ZNF550: variants seen among roughly 807,000 people sequenced by gnomAD.
ZNF550 encodes the protein zinc finger protein 550.
A neutral mutation model predicts 40.2 loss-of-function variants in ZNF550; 42 were observed. The ratio of observed to expected loss-of-function variants is 1.05; its 90% CI spans 0.82 to 1.35. The LOEUF is 1.35. ZNF550 is among the 40% of genes most tolerant of loss of function. ZNF550 has a pLI of 0.00. For synonymous variants in ZNF550, 223 were observed against 198.6 expected, an observed-to-expected ratio of 1.12 and a Z score of -1.03; for missense variants, 549 against 525.2, an observed-to-expected ratio of 1.05 and a Z score of -0.44.
chr19:57,547,376 T>C, exon 4 of ZNF550: 1 of 1,612,952 alleles, frequency 6.2e-7, no homozygotes, highest in Non-Finnish European at 8.5e-7. Flanking sequence ...CGACATTGAC[T>C]ACACTCATAG....
At chr19:57,558,976 C>A (rs567856161) in intron 1 of ZNF550, among the ~76,000 whole-genome samples, 2 of 152,212 alleles carry the variant, frequency 1.3e-5, no homozygotes, top group East Asian at 3.9e-4. Flanking sequence ...TTGCCCTAAA[C>A]TGAAAGACAA....
chr19:57,547,216 T>C (rs751609264), exon 4 of ZNF550: 18 of 1,613,940 alleles, frequency 1.1e-5, no homozygotes, highest in South Asian at 2.2e-5. Flanking sequence ...CATGCAATCA[T>C]AGGGCTTCTC....
At chr19:57,549,931 G>C (rs2090058220) in intron 3 of ZNF550, among the ~76,000 whole-genome samples, 2 of 152,120 alleles carry the variant, frequency 1.3e-5, no homozygotes, top group African/African-American at 4.8e-5. Context: ...TCTCCACCAG[G>C]TCTCCAATTC....
At chr19:57,547,375 C>A in exon 4 of ZNF550, 1 of 1,611,980 alleles carries the variant, frequency 6.2e-7, no homozygotes, top group South Asian at 1.1e-5. Context: ...TCGACATTGA[C>A]TACACTCATA....
chr19:57,547,348 C>T (rs780749850), exon 4 of ZNF550: 35 of 1,613,290 alleles, frequency 2.2e-5, no homozygotes, highest in Admixed American at 1.3e-4. Context: ...AAAAGTAGAC[C>T]GGTGGGTGAA....
chr19:57,547,641 G>T (rs151237111), exon 4 of ZNF550: 1 of 1,614,148 alleles, frequency 6.2e-7, no homozygotes. Context: ...ATTTGTAGGG[G>T]TTTGTCCCTG....
Position 57,554,970 on chromosome 19 carries a change from C to T in ZNF550, c.154+1261G>A, listed in dbSNP as rs958306229. 1 of 152,210 alleles carries T rather than the reference C, an allele frequency of 6.6e-6. No homozygotes were observed. The highest frequency in any genetic ancestry group is 2.4e-5 in the African/African-American group (1 of 41,442). 9.4% of individuals were successfully genotyped at this position (152,210 alleles called of 1,614,324 possible). ...GGTTATGACATCCTGCTTATTTATT[C>T]CTAAATTCCCCTCATTTTTCTTTCT... On this transcript the variant is annotated intron_variant, in intron 2 of 4. Coordinates refer to ENST00000457177, the Ensembl canonical transcript of ZNF550. The surrounding 1 kb of genome is among the most constrained non-coding windows in gnomAD (Gnocchi z 4.5).
chr19:57,542,421 G>A (rs2089968559), exon 5 of ZNF550: 1 of 151,500 alleles, frequency 6.6e-6, no homozygotes, highest in Admixed American at 6.6e-5. Flanking sequence ...TCAAGCTGGT[G>A]GTGATATATT....
chr19:57,546,810 TGAC>T, exon 4 of ZNF550: 1 of 1,400,072 alleles, frequency 7.1e-7, no homozygotes. Context: ...CTCTCCAAAG[TGAC>T]TGCTCATGTG....
At chr19:57,547,468 T>C (rs2090028004) in exon 4 of ZNF550, 1 of 1,614,078 alleles carries the variant, frequency 6.2e-7, no homozygotes, top group South Asian at 1.1e-5. Flanking sequence ...AAGGCACTTG[T>C]ATGGTTTCTC....
chr19:57,559,834 A>G (rs1186595930), exon 1 of ZNF550: 3 of 595,164 alleles, frequency 5.0e-6, no homozygotes, highest in Non-Finnish European at 7.5e-6. Flanking sequence ...CCCCACCACA[A>G]ACGTCCACGC....
intron 3 of ZNF550, among the ~76,000 whole-genome samples, chr19:57,550,464 T>G (rs935062150): frequency 6.6e-6 from 1 of 152,254 alleles, no homozygotes; most frequent in Non-Finnish European, 1.5e-5. Flanking sequence ...CCTGATGTTT[T>G]CACATAATTT....
chr19:57,544,507 G>C (rs1568594925), intron 4 of ZNF550: 1 of 985,454 alleles, frequency 1.0e-6, no homozygotes. Context: ...CAGCCTTCCA[G>C]AGAGAGGATG....
chr19:57,560,125 G>A (rs2090158082), upstream of ZNF550, among the ~76,000 whole-genome samples: 1 of 152,174 alleles, frequency 6.6e-6, no homozygotes, highest in Non-Finnish European at 1.5e-5. Flanking sequence ...CCAGGTAAAC[G>A]AGTTTGATAA....
In ZNF550 at chr19:57,552,717, G is replaced by A. The variant is rs199862285; in HGVS notation, c.160C>T (p.Arg54Trp). ...TGGACCAACTCTGGTTTGGGAACCC[G>A]ATGCCCTGTTGATAGCAAAAGAAAT... The change falls in exon 3 of 5, where the codon CGG becomes TGG. Residue 54 changes from arginine to tryptophan, a missense_variant. Physicochemically the swap from Arg to Trp is moderately radical, Grantham distance 101. Coordinates refer to ENST00000457177, the Ensembl canonical transcript of ZNF550. 1.2e-4 allele frequency: 189 copies of A among 1,597,412 alleles called. 4 individuals are homozygous for A. In the South Asian group the frequency reaches 1.7e-3, roughly 14 times the overall value.
exon 4 of ZNF550, chr19:57,547,458 A>C (rs370814942): frequency 1.2e-6 from 2 of 1,613,672 alleles, no homozygotes; most frequent in African/African-American, 2.7e-5. Flanking sequence ...TCCCACACTC[A>C]AGGCACTTGT....
In ZNF550 at chr19:57,547,429, G is replaced by A. The variant is rs749724743; in HGVS notation, c.815C>T (p.Ser272Leu). 12 of 1,613,912 alleles carry A rather than the reference G, an allele frequency of 7.4e-6. No homozygotes were observed. The East Asian group carries it at 1.6e-4, about 21-fold the overall frequency. Residue 272 changes from serine (S) to leucine (L), a missense_variant, in exon 4 of 5, where the codon TCG (serine) becomes TTG (leucine). Transcript: ENST00000457177. ...GATTGGATGGTGCTGCATGAGGTACGACCTGCGTTTGAAGGCCTTCCCACA... is the reference window on the plus strand; with the variant it reads ...GATTGGATGGTGCTGCATGAGGTACAACCTGCGTTTGAAGGCCTTCCCACA...
At chr19:57,544,530 G>T (rs777232875) in intron 4 of ZNF550, 22 of 985,284 alleles carry the variant, frequency 2.2e-5, no homozygotes, top group Non-Finnish European at 2.5e-5. Context: ...GGAGGGTGGG[G>T]GTCCTCAAGA....
Position 57,556,267 on chromosome 19 carries a change from CCT to C in ZNF550, c.116_117del (p.Glu39GlyfsTer46). 1 of 1,614,166 alleles carries C rather than the reference CCT, an allele frequency of 6.2e-7. No individual in the cohort carries two copies. Among genetic ancestry groups the C allele is most frequent in the Non-Finnish European group, 8.5e-7 (1 of 1,180,018 alleles). On this transcript the variant is annotated frameshift_variant, in exon 2 of 5. Coordinates refer to ENST00000457177, the Ensembl canonical transcript of ZNF550. LOFTEE classifies it high-confidence loss of function. ...AGAAGCCCACAGGTCTCCAGCATCA[CCT>C]CTCGGTACAGGGTCCTCTGGGCCAG... is the stretch of plus-strand genomic sequence containing the variant.
Sources: allele counts gnomAD v4.1 joint callset (sites outside exome capture counted in the v4.1 genomes callset), GRCh38; gene constraint gnomAD v4.1.1; non-coding constraint Gnocchi (gnomAD v3.1); transcripts MANE v1.5; gene names NCBI Gene and HGNC (gene_info 2026-07-23, HGNC 2026-07-21).